Variants in PID1 observed in about 807,000 individuals in gnomAD.
The protein encoded by PID1 is phosphotyrosine interaction domain containing 1.
PID1 carries 10 observed loss-of-function variants against 19.1 expected under a neutral mutation model. That is an observed-to-expected ratio of 0.52 (90% confidence interval 0.32 to 0.89). The LOEUF is 0.89. PID1 is among the 40% of genes least tolerant of loss of function. The probability of loss-of-function intolerance (pLI) is 0.03; values close to 1 mark genes in which losing one functional copy is unlikely to be tolerated. For synonymous variants in PID1, 130 were observed against 116.0 expected (o/e 1.12, Z -0.78); for missense variants, 248 against 285.3 (o/e 0.87, Z 0.94).
chr2:229,102,776 G>A (rs145561564), intron 2 of PID1, among the ~76,000 whole-genome samples: 2 of 152,282 alleles, frequency 1.3e-5, no homozygotes, highest in Non-Finnish European at 2.9e-5. Flanking sequence ...CCCAGAGTGG[G>A]CAGAGCCAGT....
intron 2 of PID1, among the ~76,000 whole-genome samples, chr2:229,045,068 C>T (rs1369918992): frequency 6.6e-6 from 1 of 152,070 alleles, no homozygotes; most frequent in Non-Finnish European, 1.5e-5. Context: ...ATTCTCCTGC[C>T]TCAACCTCCC....
At chr2:229,260,141 T>G (rs1446834756) in intron 1 of PID1, among the ~76,000 whole-genome samples, 3 of 152,116 alleles carry the variant, frequency 2.0e-5, no homozygotes, top group Non-Finnish European at 2.9e-5. Context: ...AAAGCCCTCA[T>G]TGACAGCTGC....
chr2:229,171,385 G>A (rs1021808856), intron 1 of PID1, among the ~76,000 whole-genome samples: 1 of 152,148 alleles, frequency 6.6e-6, no homozygotes, highest in Admixed American at 6.5e-5. Context: ...AGCCATCTAT[G>A]GAGGACAGAA....
In PID1 at chr2:229,117,319, T is replaced by C. The variant is rs539675820; in HGVS notation, c.177+38499A>G. 5.3e-5 allele frequency among the ~76,000 whole-genome samples: 8 copies of C among 152,240 alleles called. No individual in the cohort carries two copies. In the South Asian group the frequency reaches 1.7e-3, roughly 32 times the overall value. On this transcript the variant is annotated intron_variant, in intron 2 of 2. Transcript: ENST00000392055. Reference sequence around the variant, plus strand: ...TCCCATGCCCCAGTCTGGGGAGTTATCATCAAAATCTTCCTCTCCCTCCAG... The same window carrying C: ...TCCCATGCCCCAGTCTGGGGAGTTACCATCAAAATCTTCCTCTCCCTCCAG...
At chr2:229,152,929 C>T (rs1277127096) in intron 2 of PID1, among the ~76,000 whole-genome samples, 2 of 152,092 alleles carry the variant, frequency 1.3e-5, no homozygotes, top group African/African-American at 4.8e-5. Flanking sequence ...TGTGTGAAGG[C>T]GGAGGGTCCC....
chr2:229,095,463 G>A (rs1179346700), intron 2 of PID1, among the ~76,000 whole-genome samples: 1 of 152,130 alleles, frequency 6.6e-6, no homozygotes, highest in Non-Finnish European at 1.5e-5. Context: ...AGTAATTTCT[G>A]ATTAACAAAT....
At chr2:229,126,032 A>T (rs938627510) in intron 2 of PID1, among the ~76,000 whole-genome samples, 3 of 152,140 alleles carry the variant, frequency 2.0e-5, no homozygotes, top group African/African-American at 7.2e-5. Flanking sequence ...TTCTCTGCAT[A>T]GTTATACAGC....
chr2:229,225,536 C>G (rs1692059533), intron 1 of PID1, among the ~76,000 whole-genome samples: 1 of 152,162 alleles, frequency 6.6e-6, no homozygotes, highest in Non-Finnish European at 1.5e-5. Flanking sequence ...TTCTCCTGCA[C>G]CCAGGGACAT....
chr2:229,096,286 A>G (rs150678175), intron 2 of PID1, among the ~76,000 whole-genome samples: 16 of 152,292 alleles, frequency 1.1e-4, no homozygotes, highest in African/African-American at 3.6e-4. Flanking sequence ...ACCATTTGCT[A>G]ATTTATGCCT....
chr2:229,216,968 G>T (rs1177043142), intron 1 of PID1, among the ~76,000 whole-genome samples: 3 of 152,076 alleles, frequency 2.0e-5, no homozygotes, highest in Admixed American at 1.3e-4. Flanking sequence ...TTTTATTGGG[G>T]TATAATTTAC....
chr2:229,052,144 C>T (rs1694008723), intron 2 of PID1, among the ~76,000 whole-genome samples: 1 of 152,128 alleles, frequency 6.6e-6, no homozygotes, highest in Admixed American at 6.5e-5. Flanking sequence ...GATTTAACAA[C>T]GTTATAGTGC....
intron 2 of PID1, among the ~76,000 whole-genome samples, chr2:229,138,780 G>A (rs970079380): frequency 1.7e-4 from 25 of 151,406 alleles, no homozygotes; most frequent in Non-Finnish European, 3.4e-4. Flanking sequence ...GATTTGTTTG[G>A]GGCTAGACAA....
At chr2:229,188,182 A>G (rs892830263) in intron 1 of PID1, among the ~76,000 whole-genome samples, 1 of 151,964 alleles carries the variant, frequency 6.6e-6, no homozygotes, top group Admixed American at 6.6e-5. Context: ...AGGGGCATTA[A>G]AAGAGTTGAC....
chr2:229,108,409 T>A (rs1314013190), intron 2 of PID1, among the ~76,000 whole-genome samples: 3 of 152,092 alleles, frequency 2.0e-5, no homozygotes, highest in Non-Finnish European at 4.4e-5. Context: ...GAGCAAACAG[T>A]GACCCAGCAC....
At chr2:229,163,674 T>TGTGTGTGCGC (rs374622113) in intron 1 of PID1, among the ~76,000 whole-genome samples, 20,839 of 93,932 alleles carry the variant, frequency 0.22, 1,916 homozygotes, top group Non-Finnish European at 0.34. Context: ...TGTGTGTGTG[T>TGTGTGTGCGC]GCGTGTGCGT....
chr2:229,175,252 T>A (rs925087892), intron 1 of PID1, among the ~76,000 whole-genome samples: 1 of 152,126 alleles, frequency 6.6e-6, no homozygotes, highest in African/African-American at 2.4e-5. Context: ...AGCTACTAAA[T>A]CACACACACG....
chr2:229,093,773 C>T (rs1204038819), intron 2 of PID1, among the ~76,000 whole-genome samples: 1 of 151,790 alleles, frequency 6.6e-6, no homozygotes, highest in Non-Finnish European at 1.5e-5. Flanking sequence ...AAAAAAGAAC[C>T]CCTCAACAAT....
In PID1 at chr2:229,024,602, T is replaced by G. The variant is rs1368323764; in HGVS notation, c.*1030A>C. On this transcript the variant is annotated 3_prime_UTR_variant, in exon 3 of 3. Transcript: ENST00000392055. ...TTATCTAACTCATTCTGTATCTAAGTGCAATGCTGAGTGATGGGGGCAAGG... is the reference window on the plus strand; with the variant it reads ...TTATCTAACTCATTCTGTATCTAAGGGCAATGCTGAGTGATGGGGGCAAGG... 1.3e-5 allele frequency: 2 copies of G among 152,632 alleles called. No homozygotes were observed. Among genetic ancestry groups the G allele is most frequent in the African/African-American group, 4.8e-5 (2 of 41,448 alleles). The allele number at this position is 152,632 out of a possible 1,614,324, so 9.5% of individuals were successfully genotyped here. A position where few individuals can be genotyped will look rare whatever the true frequency, so the allele number is the denominator to read the frequency against.
chr2:229,143,400 C>T (rs1393584529), intron 2 of PID1, among the ~76,000 whole-genome samples: 7 of 152,068 alleles, frequency 4.6e-5, no homozygotes, highest in Admixed American at 2.6e-4. Flanking sequence ...CATTTATCAT[C>T]TGTCCTTATA....
Sources: allele counts gnomAD v4.1 joint callset (sites outside exome capture counted in the v4.1 genomes callset), GRCh38; gene constraint gnomAD v4.1.1; transcripts MANE v1.5; gene names NCBI Gene and HGNC (gene_info 2026-07-23, HGNC 2026-07-21).